Variants in LITAF observed in about 807,000 individuals in gnomAD.
LITAF encodes the protein lipopolysaccharide-induced tumor necrosis factor-alpha factor.
LITAF carries 9 observed loss-of-function variants against 14.5 expected under a neutral mutation model. The ratio of observed to expected loss-of-function variants is 0.62; its 90% CI spans 0.37 to 1.08. The LOEUF (loss-of-function observed/expected upper bound fraction) is 1.08. Among genes scored for constraint, LITAF ranks in the 50% least tolerant of loss-of-function variants. LITAF has a pLI of 0.01. For missense variants in LITAF, 206 were observed against 213.4 expected (o/e 0.97, Z 0.22); for synonymous variants, 98 against 88.2 (o/e 1.11, Z -0.62).
chr16:11,553,468 C>A lies in LITAF; in HGVS notation c.377+65G>T. 1.9e-6 allele frequency: 3 copies of A among 1,567,530 alleles called. No individual in the cohort carries two copies. Among genetic ancestry groups the A allele is most frequent in the Non-Finnish European group, 2.6e-6 (3 of 1,144,260 alleles). On this transcript the variant is annotated intron_variant, in intron 3 of 3. Transcript: ENST00000622633. The surrounding 1 kb of genome is among the most constrained non-coding windows in gnomAD (Gnocchi z 7.7). ...TGTCAAGCATGGTGCAGTTGAGAAC[C>A]CACCCCCGCCAGCACCCAGAGAGAA...
At chr16:11,604,765 C>CT (rs56271737) in intron 3 of LITAF, among the ~76,000 whole-genome samples, 54,869 of 142,424 alleles carry the variant, frequency 0.39, 11,477 homozygotes, top group Middle Eastern at 0.5. Context: ...CTTTTCTTTT[C>CT]TTTTTTTTTT....
Position 11,553,422 on chromosome 16 carries a change from A to C in LITAF, c.377+111T>G, listed in dbSNP as rs2064212923. On this transcript the variant is annotated intron_variant, in intron 3 of 3. Coordinates refer to ENST00000622633, the MANE Select transcript of LITAF (RefSeq NM_001136472.2). The surrounding 1 kb of genome is among the most constrained non-coding windows in gnomAD (Gnocchi z 7.7). ...CCAGATTCCATCTCAAAAAAAAACA[A>C]CACAAATGTCTGGCCCTGAATGTCA... is the stretch of plus-strand genomic sequence containing the variant. 1 of 1,227,090 alleles carries C rather than the reference A, an allele frequency of 8.1e-7. No individual in the cohort carries two copies. Among genetic ancestry groups the C allele is most frequent in the Non-Finnish European group, 1.2e-6 (1 of 862,860 alleles). 76.0% of individuals were successfully genotyped at this position (1,227,090 alleles called of 1,614,324 possible).
At chr16:11,552,524 G>C (rs1035343716) in intron 3 of LITAF, among the ~76,000 whole-genome samples, 3 of 152,130 alleles carry the variant, frequency 2.0e-5, no homozygotes, top group Admixed American at 2.0e-4. Context: ...TATTATTTAG[G>C]TCATGAAATT....
intron 1 of LITAF, chr16:11,575,495 C>T (rs1219417306): frequency 2.0e-5 from 3 of 152,216 alleles, no homozygotes; most frequent in African/African-American, 7.2e-5. Context: ...GGCACCAGCG[C>T]CTGGGTTTAT....
At position 11,553,876 on chromosome 16, in the gene LITAF, G is replaced by C; in HGVS notation, c.221-187C>G. 1.6e-6 allele frequency: 1 copy of C among 623,338 alleles called. No homozygotes were observed. The highest frequency in any genetic ancestry group is 2.8e-6 in the Non-Finnish European group (1 of 352,464). The allele number at this position is 623,338 out of a possible 1,614,324, so 38.6% of individuals were successfully genotyped here. ...AGGGGAAGGAACACCAGTGTCCATC[G>C]ACGGACCAATAAACTAACACAGCGA... On this transcript the variant is annotated intron_variant, in intron 2 of 3. Transcript: ENST00000622633. This position sits in a 1 kb window ranked among gnomAD's most constrained non-coding sequence, Gnocchi z 7.7.
At chr16:11,636,773 C>G (rs1426592116), upstream of LITAF, among the ~76,000 whole-genome samples, 1 of 152,226 alleles carries the variant, frequency 6.6e-6, no homozygotes, top group African/African-American at 2.4e-5. Context: ...CCAGGCTGCT[C>G]TTTGTCAGAA....
intron 3 of LITAF, among the ~76,000 whole-genome samples, chr16:11,631,566 T>A (rs1462407865): frequency 6.6e-6 from 1 of 152,196 alleles, no homozygotes; most frequent in Non-Finnish European, 1.5e-5. Flanking sequence ...TTTTTCATAT[T>A]TTTGGTAGAG....
intron 3 of LITAF, among the ~76,000 whole-genome samples, chr16:11,629,598 C>A (rs868330418): frequency 9.8e-5 from 15 of 152,308 alleles, no homozygotes; most frequent in Middle Eastern, 3.4e-3. Context: ...AGCGGCCACA[C>A]TCGAAGCAGC....
intron 3 of LITAF, among the ~76,000 whole-genome samples, chr16:11,627,287 C>G (rs886776423): frequency 2.0e-5 from 3 of 152,158 alleles, no homozygotes; most frequent in South Asian, 2.1e-4. Context: ...AGATGAAAAC[C>G]CGGAGCTGCC....
intron 1 of LITAF, among the ~76,000 whole-genome samples, chr16:11,583,440 A>G (rs2064768396): frequency 1.3e-5 from 2 of 152,188 alleles, no homozygotes; most frequent in African/African-American, 4.8e-5. Flanking sequence ...CAGTGCAAGG[A>G]GATCATTAAT....
At chr16:11,637,966 C>CTATA (rs1176708375), upstream of LITAF, among the ~76,000 whole-genome samples, 1 of 30,836 alleles carries the variant, frequency 3.2e-5, no homozygotes, top group Non-Finnish European at 5.5e-5. Context: ...CTATATATAT[C>CTATA]TATATATCTA....
At chr16:11,561,369 G>A (rs1448224412) in intron 1 of LITAF, 1 of 152,248 alleles carries the variant, frequency 6.6e-6, no homozygotes, top group East Asian at 1.9e-4. Flanking sequence ...TGGGGGATGG[G>A]AGGATGGGAG....
intron 1 of LITAF, chr16:11,584,343 G>A (rs2064778778): frequency 6.6e-6 from 1 of 152,156 alleles, no homozygotes; most frequent in African/African-American, 2.4e-5. Flanking sequence ...CTATTCAGTG[G>A]GAGAAGTTTA....
chr16:11,612,294 A>T (rs2064986953), intron 3 of LITAF, among the ~76,000 whole-genome samples: 1 of 151,722 alleles, frequency 6.6e-6, no homozygotes, highest in South Asian at 2.1e-4. Flanking sequence ...GGACTCTGTG[A>T]CTCCTGGGAG....
Position 11,549,475 on chromosome 16 carries a change from G to C in LITAF, c.*162C>G. On this transcript the variant is annotated 3_prime_UTR_variant, in exon 4 of 4. Transcript: ENST00000622633. This position sits in a 1 kb window ranked among gnomAD's most constrained non-coding sequence, Gnocchi z 4.6. ...CAAGCAGCAATTTCTGGGGTTTGGAGATTTGTTAGTTTTGCGACGTATTCC... is the reference window on the plus strand; with the variant it reads ...CAAGCAGCAATTTCTGGGGTTTGGACATTTGTTAGTTTTGCGACGTATTCC... 1.5e-6 allele frequency: 1 copy of C among 681,044 alleles called. No individual in the cohort carries two copies. Among genetic ancestry groups the C allele is most frequent in the South Asian group, 1.5e-5 (1 of 66,558 alleles). The allele number at this position is 681,044 out of a possible 1,614,324, so 42.2% of individuals were successfully genotyped here.
chr16:11,576,554 A>AG (rs1555469757), intron 1 of LITAF, among the ~76,000 whole-genome samples: 14 of 116,660 alleles, frequency 1.2e-4, no homozygotes, highest in Admixed American at 7.6e-4. Flanking sequence ...AAAAAAAAAA[A>AG]AGAGAGAGAG....
chr16:11,562,823 A>G (rs1218222761), intron 1 of LITAF, among the ~76,000 whole-genome samples: 1 of 152,148 alleles, frequency 6.6e-6, no homozygotes, highest in Non-Finnish European at 1.5e-5. Context: ...CTTGAGCCCA[A>G]GAGTTTGAGA....
chr16:11,588,108 G>A (rs914044276), upstream of LITAF, among the ~76,000 whole-genome samples: 6 of 152,082 alleles, frequency 3.9e-5, no homozygotes, highest in African/African-American at 9.7e-5. Context: ...AGCCGTGGAC[G>A]AGTTACCAAG....
intron 1 of LITAF, among the ~76,000 whole-genome samples, chr16:11,565,706 C>A (rs12918651): frequency 0.62 from 93,325 of 151,674 alleles, 29,066 homozygotes; most frequent in African/African-American, 0.65. Flanking sequence ...ACCAACCGCA[C>A]AGTCTCTCGT....
Sources: allele counts gnomAD v4.1 joint callset (sites outside exome capture counted in the v4.1 genomes callset), GRCh38; gene constraint gnomAD v4.1.1; non-coding constraint Gnocchi (gnomAD v3.1); transcripts MANE v1.5; gene names NCBI Gene and HGNC (gene_info 2026-07-23, HGNC 2026-07-21).